Variants in TENM2 observed in about 807,000 individuals in gnomAD.
TENM2 encodes the protein teneurin-2.
Under a neutral mutation model 245.2 loss-of-function variants are expected in TENM2, and 52 were observed. The ratio of observed to expected loss-of-function variants is 0.21; its 90% CI spans 0.17 to 0.27. TENM2 has a LOEUF of 0.27. Ranked by LOEUF, TENM2 falls within the 10% of genes least tolerant of loss-of-function variation. TENM2 has a pLI of 1.00. For synonymous variants in TENM2, 1,363 were observed against 1,438.9 expected, an observed-to-expected ratio of 0.95 and a Z score of 1.19; for missense variants, 3,046 against 3,666.8, an observed-to-expected ratio of 0.83 and a Z score of 4.37.
At chr5:168,195,693 G>T (rs1318948952) in intron 15 of TENM2, among the ~76,000 whole-genome samples, 1 of 151,108 alleles carries the variant, frequency 6.6e-6, no homozygotes, top group Admixed American at 6.6e-5. Flanking sequence ...GGCAGTGCAG[G>T]GTGACAGGAA....
At chr5:167,993,268 G>A in intron 5 of TENM2, 86 bp downstream of exon 7, 2 of 1,094,468 alleles carry the variant, frequency 1.8e-6, no homozygotes, top group South Asian at 2.8e-5. Flanking sequence ...GAGGCCCTCT[G>A]ATGTCTGTAC....
chr5:167,478,468 C>G (rs1269307764), intron 2 of TENM2, among the ~76,000 whole-genome samples: 1 of 152,144 alleles, frequency 6.6e-6, no homozygotes. Context: ...GGGCTTTTTC[C>G]CCTCCTTGTA....
chr5:167,874,513 C>T (rs1468960233), intron 2 of TENM2, among the ~76,000 whole-genome samples: 1 of 152,178 alleles, frequency 6.6e-6, no homozygotes, highest in Non-Finnish European at 1.5e-5. Flanking sequence ...TTCTTACTTG[C>T]ATTGCAACAC....
chr5:167,646,209 A>ATATATATATATATATGTTGTTTTCATC (rs1779949421), intron 2 of TENM2, among the ~76,000 whole-genome samples: 1 of 132,596 alleles, frequency 7.5e-6, no homozygotes, highest in African/African-American at 3.3e-5. Flanking sequence ...TCATATATAT[A>ATATATATATATATATGTTGTTTTCATC]TATATATATA....
intron 7 of TENM2, among the ~76,000 whole-genome samples, chr5:168,080,267 G>T (rs1338373607): frequency 1.3e-5 from 2 of 152,098 alleles, no homozygotes; most frequent in African/African-American, 4.8e-5. Flanking sequence ...CTGTGGGATC[G>T]ATGGTGATAT....
chr5:167,155,391 C>G, the TENM2 span, among the ~76,000 whole-genome samples: 1 of 152,210 alleles, frequency 6.6e-6, no homozygotes, highest in African/African-American at 2.4e-5. Context: ...TGTCAGGCTC[C>G]TGTGATTCAA....
the TENM2 span, among the ~76,000 whole-genome samples, chr5:167,016,026 G>T: frequency 1.6e-4 from 25 of 152,094 alleles, no homozygotes; most frequent in African/African-American, 6.0e-4. Flanking sequence ...AGGCCAAGGC[G>T]GGCGGATCAC....
At chr5:167,479,377 T>G (rs1013856081) in intron 2 of TENM2, among the ~76,000 whole-genome samples, 3 of 152,168 alleles carry the variant, frequency 2.0e-5, no homozygotes, top group Non-Finnish European at 2.9e-5. Flanking sequence ...TCCCAAACTA[T>G]TGAATAACAG....
At chr5:167,804,068 T>C (rs1320007574) in intron 2 of TENM2, among the ~76,000 whole-genome samples, 1 of 152,088 alleles carries the variant, frequency 6.6e-6, no homozygotes, top group African/African-American at 2.4e-5. Flanking sequence ...ATTGGGGATG[T>C]TTAATGGGTG....
intron 5 of TENM2, among the ~76,000 whole-genome samples, chr5:168,036,875 G>A (rs1787757439): frequency 6.6e-6 from 1 of 151,444 alleles, no homozygotes; most frequent in African/African-American, 2.4e-5. Context: ...GATGCAAGTA[G>A]CTTACATTCC....
chr5:168,179,333 G>A (rs562637788), intron 13 of TENM2, among the ~76,000 whole-genome samples: 1 of 152,260 alleles, frequency 6.6e-6, no homozygotes, highest in Admixed American at 6.5e-5. Context: ...GATGCTGGCT[G>A]GATCGAAGCA....
intron 12 of TENM2, among the ~76,000 whole-genome samples, chr5:168,127,836 G>T (rs779477125): frequency 6.6e-6 from 1 of 152,108 alleles, no homozygotes; most frequent in South Asian, 2.1e-4. Context: ...TAATCTACTT[G>T]CCTGCATGGA....
the TENM2 span, among the ~76,000 whole-genome samples, chr5:167,069,972 C>T: frequency 6.6e-6 from 1 of 152,010 alleles, no homozygotes; most frequent in Non-Finnish European, 1.5e-5. Flanking sequence ...TTATCTGATA[C>T]ATCTTAATGT....
intron 2 of TENM2, among the ~76,000 whole-genome samples, chr5:167,684,989 A>G (rs1326833543): frequency 6.6e-6 from 1 of 152,192 alleles, no homozygotes; most frequent in Non-Finnish European, 1.5e-5. Context: ...CCAGCTCTCA[A>G]TTGGTACTCA....
At chr5:167,977,980 C>T (rs1257568253) in intron 4 of TENM2, among the ~76,000 whole-genome samples, 6 of 152,080 alleles carry the variant, frequency 3.9e-5, no homozygotes, top group Non-Finnish European at 8.8e-5. Flanking sequence ...AGTTTTTGCT[C>T]TATTAGTTCC....
chr5:167,397,586 TGTG>T (rs1342121381), intron 2 of TENM2, among the ~76,000 whole-genome samples: 5 of 152,110 alleles, frequency 3.3e-5, no homozygotes, highest in African/African-American at 9.7e-5. Flanking sequence ...AGATTAATAA[TGTG>T]GTGAATTAAC....
intron 12 of TENM2, among the ~76,000 whole-genome samples, chr5:168,156,257 A>AAAAAAAAAC (rs1757164602): frequency 6.9e-6 from 1 of 145,414 alleles, no homozygotes; most frequent in South Asian, 2.1e-4. Context: ...TAAAAAAAAA[A>AAAAAAAAAC]AAAAAAAAAC....
intron 5 of TENM2, among the ~76,000 whole-genome samples, chr5:168,014,260 T>G (rs1316858633): frequency 6.6e-6 from 1 of 152,212 alleles, no homozygotes; most frequent in Non-Finnish European, 1.5e-5. Flanking sequence ...CATAGATTTT[T>G]CTCATTTAAT....
At chr5:167,101,944 T>A in the TENM2 span, among the ~76,000 whole-genome samples, 61 of 134,184 alleles carry the variant, frequency 4.5e-4, 1 homozygote, top group East Asian at 3.5e-3. Flanking sequence ...ATATATTTTT[T>A]TTTTTTTTTG....
Sources: allele counts gnomAD v4.1 joint callset (sites outside exome capture counted in the v4.1 genomes callset), GRCh38; gene constraint gnomAD v4.1.1; transcripts MANE v1.5; gene names NCBI Gene and HGNC (gene_info 2026-07-23, HGNC 2026-07-21).